Variants in TMEM108 observed in about 807,000 individuals in gnomAD.
TMEM108 encodes transmembrane protein 108.
Under a neutral mutation model 35.1 loss-of-function variants are expected in TMEM108, and 12 were observed. The ratio of observed to expected loss-of-function variants is 0.34; its 90% CI spans 0.22 to 0.55. The LOEUF (loss-of-function observed/expected upper bound fraction) is 0.55. Ranked by LOEUF, TMEM108 falls within the 20% of genes least tolerant of loss-of-function variation. TMEM108 has a pLI of 0.89. For synonymous variants in TMEM108, 287 were observed against 308.6 expected (o/e 0.93, Z 0.73); for missense variants, 680 against 753.3 (o/e 0.90, Z 1.14).
At chr3:133,087,721 C>T (rs1040592343) in intron 2 of TMEM108, among the ~76,000 whole-genome samples, 3 of 152,128 alleles carry the variant, frequency 2.0e-5, no homozygotes, top group East Asian at 1.9e-4. Flanking sequence ...AACAGGGCTT[C>T]GGGTATCTTG....
rs190874348 is a variant in TMEM108, at chr3:133,056,141, A to G, written c.-47+10121A>G. Among the ~76,000 whole-genome samples, 279 of 118,602 alleles carry G rather than the reference A, an allele frequency of 2.4e-3. 1 individual carries two copies. The highest frequency in any genetic ancestry group is 9.2e-3 in the African/African-American group (254 of 27,608). 77.8% of individuals were successfully genotyped at this position (118,602 alleles called of 152,430 possible). On this transcript the variant is annotated intron_variant, in intron 2 of 5. Transcript: ENST00000321871. ...ATCTTTATTTTATTTCCAGAGTTCT[A>G]TGGTTCCCACCTGGCTGCAGGACAA... is the stretch of plus-strand genomic sequence containing the variant.
chr3:133,291,379 C>G (rs747295249), intron 3 of TMEM108, among the ~76,000 whole-genome samples: 4 of 152,126 alleles, frequency 2.6e-5, no homozygotes, highest in Admixed American at 1.3e-4. Flanking sequence ...CTCCCAGGCT[C>G]AAGCAGTTCT....
chr3:133,116,832 A>G (rs1576326888), intron 2 of TMEM108, among the ~76,000 whole-genome samples: 1 of 152,170 alleles, frequency 6.6e-6, no homozygotes, highest in South Asian at 2.1e-4. Context: ...CTGGAGCGCA[A>G]TGGCGTGATC....
At chr3:133,319,564 A>G (rs1308669732) in intron 3 of TMEM108, among the ~76,000 whole-genome samples, 4 of 152,212 alleles carry the variant, frequency 2.6e-5, no homozygotes, top group Non-Finnish European at 5.9e-5. Flanking sequence ...TAACATAACT[A>G]GCATTCAAGA....
intron 2 of TMEM108, among the ~76,000 whole-genome samples, chr3:133,227,859 C>T (rs923669804): frequency 1.3e-5 from 2 of 152,012 alleles, no homozygotes; most frequent in Admixed American, 1.3e-4. Flanking sequence ...CACGCCACTG[C>T]ACTCCAGCCT....
intron 2 of TMEM108, among the ~76,000 whole-genome samples, chr3:133,119,766 A>C (rs1423172967): frequency 2.6e-5 from 4 of 152,212 alleles, no homozygotes; most frequent in Non-Finnish European, 5.9e-5. Context: ...CTCCATTTTT[A>C]AAAACTTGCC....
chr3:133,314,679 C>T (rs573503265), intron 3 of TMEM108, among the ~76,000 whole-genome samples: 3 of 152,318 alleles, frequency 2.0e-5, no homozygotes, highest in Non-Finnish European at 4.4e-5. Flanking sequence ...TGTTTGGGAT[C>T]TGCTGGTGCT....
intron 3 of TMEM108, among the ~76,000 whole-genome samples, chr3:133,262,818 G>T (rs1269367034): frequency 1.3e-5 from 2 of 152,230 alleles, no homozygotes; most frequent in African/African-American, 4.8e-5. Flanking sequence ...TCACTCAAAA[G>T]AGTTGCTTTG....
At chr3:133,339,206 T>G (rs2107741603) in intron 3 of TMEM108, among the ~76,000 whole-genome samples, 1 of 150,654 alleles carries the variant, frequency 6.6e-6, no homozygotes, top group South Asian at 2.1e-4. Flanking sequence ...AATTATCAGT[T>G]GCCTATAAGA....
chr3:133,198,667 A>C (rs1945614993), intron 2 of TMEM108, among the ~76,000 whole-genome samples: 1 of 152,232 alleles, frequency 6.6e-6, no homozygotes, highest in South Asian at 2.1e-4. Flanking sequence ...AAAAGGGCAC[A>C]TCTTTTGTAA....
rs564956865 is a variant in TMEM108 at position 133,079,915 on chromosome 3, A to T, written c.-47+33895A>T. Among the ~76,000 whole-genome samples, 16 of 152,246 alleles carry T rather than the reference A, an allele frequency of 1.1e-4. No homozygotes were observed. The East Asian group carries it at 1.5e-3, about 15-fold the overall frequency. ...ATCATGTAAAGGAGCTTCTGGGTGG[A>T]GGCTGAGTGCTTTCTCTATATAGCC... On this transcript the variant is annotated intron_variant, in intron 2 of 5. Transcript: ENST00000321871.
chr3:133,299,759 C>A (rs1276179230), intron 3 of TMEM108, among the ~76,000 whole-genome samples: 1 of 152,096 alleles, frequency 6.6e-6, no homozygotes, highest in Non-Finnish European at 1.5e-5. Context: ...TTCAACCCAA[C>A]ACACACACAC....
At chr3:133,285,888 G>GT (rs908760236) in intron 3 of TMEM108, among the ~76,000 whole-genome samples, 1 of 152,110 alleles carries the variant, frequency 6.6e-6, no homozygotes, top group African/African-American at 2.4e-5. Context: ...TATCTTTTTA[G>GT]TTTTCTATTT....
At chr3:133,238,114 C>T (rs1210391069) in intron 3 of TMEM108, among the ~76,000 whole-genome samples, 1 of 144,782 alleles carries the variant, frequency 6.9e-6, no homozygotes, top group Non-Finnish European at 1.6e-5. Flanking sequence ...TATCCCTCCT[C>T]CCTCACTCAC....
intron 2 of TMEM108, among the ~76,000 whole-genome samples, chr3:133,203,199 C>G (rs1285243943): frequency 6.6e-6 from 1 of 152,102 alleles, no homozygotes; most frequent in African/African-American, 2.4e-5. Flanking sequence ...TGGGCTGAGA[C>G]GATGGGGTTT....
intron 4 of TMEM108, chr3:133,386,397 G>T (rs1559947452): frequency 6.5e-7 from 1 of 1,536,118 alleles, no homozygotes; most frequent in Non-Finnish European, 8.7e-7. Flanking sequence ...GACCTGCAGG[G>T]TTTCATTTCC....
At chr3:133,107,247 T>C (rs961132604) in intron 2 of TMEM108, among the ~76,000 whole-genome samples, 3 of 152,214 alleles carry the variant, frequency 2.0e-5, no homozygotes, top group Admixed American at 1.3e-4. Flanking sequence ...TCCTGCTTCA[T>C]CTTTTTTGTT....
In TMEM108 at chr3:133,287,693, A is replaced by T. The variant is rs1204874650; in HGVS notation, c.40+58342A>T. Among the ~76,000 whole-genome samples the T allele has an allele frequency of 2.6e-5, 4 of 152,204 alleles. No individual in the cohort carries two copies. In the East Asian group the frequency reaches 7.7e-4, roughly 29 times the overall value. On this transcript the variant is annotated intron_variant, in intron 3 of 5. Transcript: ENST00000321871. ...TATACTTATCACCTAAAACAAATAGATGTTTGCTATAGATGGTTTAATTTT... is the reference window on the plus strand; with the variant it reads ...TATACTTATCACCTAAAACAAATAGTTGTTTGCTATAGATGGTTTAATTTT...
chr3:133,068,869 A>G (rs1943642834), intron 2 of TMEM108, among the ~76,000 whole-genome samples: 1 of 152,172 alleles, frequency 6.6e-6, no homozygotes, highest in South Asian at 2.1e-4. Flanking sequence ...TAGAAAAGGA[A>G]GAAATAACTG....
Sources: gnomAD v4.1 joint callset for allele counts (sites outside exome capture counted in the v4.1 genomes callset) on GRCh38, gnomAD v4.1.1 for gene constraint, MANE v1.5 for transcripts, NCBI Gene and HGNC (gene_info 2026-07-23, HGNC 2026-07-21) for gene names.